The following STAB1 variants were observed in gnomAD, a reference collection of about 807,000 sequenced individuals.
STAB1 encodes the protein stabilin-1.
A neutral mutation model predicts 332.4 loss-of-function variants in STAB1; 250 were observed. The ratio of observed to expected loss-of-function variants is 0.75; its 90% CI spans 0.68 to 0.84. STAB1 has a LOEUF of 0.84. STAB1 is among the 40% of genes least tolerant of loss of function. STAB1 has a pLI of 0.00. For missense variants in STAB1, 3,249 were observed against 3,489.7 expected, an observed-to-expected ratio of 0.93 and a Z score of 1.74; for synonymous variants, 1,475 against 1,390.4, an observed-to-expected ratio of 1.06 and a Z score of -1.35.
At chr3:52,505,220 A>C in intron 13 of STAB1, 77 bp downstream of exon 13, 2 of 1,603,970 alleles carry the variant, frequency 1.2e-6, no homozygotes, top group Admixed American at 3.4e-5. Context: ...GTGAGTGGGC[A>C]GGAGCCATTC....
chr3:52,509,221 G>A lies in STAB1; in HGVS notation c.2247G>A (p.Gly749=). 1 of 1,613,598 alleles carries A rather than the reference G, an allele frequency of 6.2e-7. No homozygotes were observed. The highest frequency in any genetic ancestry group is 8.5e-7 in the Non-Finnish European group (1 of 1,179,944). Residue 749 remains glycine (G), a synonymous_variant, in exon 22 of 69, where the codon GGG becomes GGA. Coordinates refer to ENST00000321725, the MANE Select transcript of STAB1 (RefSeq NM_015136.3). ...PCYGKGNCSD[G]IQGNGACLCF... ...TGCTCACTCTCTAGTGCAGTGATGG[G>A]ATCCAGGGCAATGGGGCCTGCCTCT... is the stretch of plus-strand genomic sequence containing the variant.
Position 52,512,380 on chromosome 3 carries a change from A to G in STAB1, c.2923A>G (p.Thr975Ala), listed in dbSNP as rs757355214. 6.2e-7 allele frequency: 1 copy of G among 1,611,688 alleles called. No individual in the cohort carries two copies. The highest frequency in any genetic ancestry group is 8.5e-7 in the Non-Finnish European group (1 of 1,179,260). Reference sequence around the variant, plus strand: ...AGTGGGGGGAGGTCAGCGGGTCTGCACGTGCCCCCCTGGCTTTGGGGGTGA... The same window carrying G: ...AGTGGGGGGAGGTCAGCGGGTCTGCGCGTGCCCCCCTGGCTTTGGGGGTGA... ...RAVGGGQRVC[T>A]CPPGFGGDGF... is the part of the protein sequence containing the mutation. The change falls in exon 27 of 69, where the codon ACG becomes GCG. Residue 975 changes from threonine to alanine, a missense_variant. By Grantham distance (58) the Thr-to-Ala change is moderately conservative (BLOSUM62 0). Transcript: ENST00000321725.
chr3:52,503,345 C>A lies in STAB1; in HGVS notation c.696C>A (p.Ala232=). 6.2e-7 allele frequency: 1 copy of A among 1,608,280 alleles called. No individual in the cohort carries two copies. The highest frequency in any genetic ancestry group is 8.5e-7 in the Non-Finnish European group (1 of 1,176,734). The change falls in exon 8 of 69, where the codon GCC becomes GCA. Residue 232 remains alanine (A), a splice_region_variant and synonymous_variant. Transcript: ENST00000321725. ...TGGGCTCTCTCTCTGCCCTGGCAGCCCCCAACCCCTGCTGGCCATCACCCT... is the reference window on the plus strand; with the variant it reads ...TGGGCTCTCTCTCTGCCCTGGCAGCACCCAACCCCTGCTGGCCATCACCCT... ...GYTQQGSECR[A]PNPCWPSPCS... is the part of the protein sequence containing the mutation.
At position 52,514,463 on chromosome 3, in the gene STAB1, C is replaced by A; in HGVS notation, c.3645C>A (p.Ala1215=). 6.5e-7 allele frequency: 1 copy of A among 1,540,292 alleles called. No individual in the cohort carries two copies. Residue 1215 remains alanine (A), a synonymous_variant, in exon 34 of 69, where the codon GCC becomes GCA. Coordinates refer to ENST00000321725, the MANE Select transcript of STAB1 (RefSeq NM_015136.3). Reference sequence around the variant, plus strand: ...ACCGCAACTCCCTCCTGGGCCCTGCCCACTGGATCGTCTTCTACAACCACA... The same window carrying A: ...ACCGCAACTCCCTCCTGGGCCCTGCACACTGGATCGTCTTCTACAACCACA... The part of the protein sequence containing the change: ...GGHRNSLLGP[A]HWIVFYNHSG...
In STAB1 at chr3:52,515,046, G is replaced by A. The variant is rs760457865; in HGVS notation, c.3864+1G>A. 1.2e-6 allele frequency: 2 copies of A among 1,613,424 alleles called. No individual in the cohort carries two copies. Among genetic ancestry groups the A allele is most frequent in the Non-Finnish European group, 1.7e-6 (2 of 1,179,988 alleles). On this transcript the variant is annotated splice_donor_variant, in intron 36 of 68. Coordinates refer to ENST00000321725, the MANE Select transcript of STAB1 (RefSeq NM_015136.3). LOFTEE classifies it high-confidence loss of function. ...CTGCACTCAGGGCTTCCAGCTGCAG[G>A]TGAGACTGGGCTTAGCGCAGCTCTG...
rs767556703 is a variant in STAB1, at chr3:52,514,781, G to T, written c.3759G>T (p.Leu1253=). The T allele has an allele frequency of 6.2e-6, 10 of 1,612,826 alleles. No homozygotes were observed. Among genetic ancestry groups the T allele is most frequent in the Middle Eastern group, 1.6e-4 (1 of 6,082 alleles). ...GRSLIGLSGV[L]TVGSSRCLHS... ...CGCTGATTGGTCTGTCGGGGGTCCT[G>T]ACGGTGGGCTCAAGTCGCTGCCTGC... The change falls in exon 35 of 69, where the codon CTG becomes CTT. Residue 1253 remains leucine, a synonymous_variant. Transcript: ENST00000321725.
rs768503628 is a variant in STAB1, at chr3:52,504,748, G to T, written c.1249G>T (p.Ala417Ser). The change falls in exon 12 of 69, where the codon GCC (alanine) becomes TCC (serine). Residue 417 changes from alanine to serine, a missense_variant. Transcript: ENST00000321725. ...CGCCTTGCGTCTGCAGGCATCCCTT[G>T]CCCAGCAGCTCTGTAGACAGCACAT... ...FSSRTMNASL[A>S]QQLCRQHIIA... 1 of 1,613,790 alleles carries T rather than the reference G, an allele frequency of 6.2e-7. No individual in the cohort carries two copies.
Position 52,512,904 on chromosome 3 carries a change from GC to G in STAB1, c.3108del (p.Glu1037ArgfsTer41). 8 of 1,612,174 alleles carry G rather than the reference GC, an allele frequency of 5.0e-6. No individual in the cohort carries two copies. The highest frequency in any genetic ancestry group is 6.8e-6 in the Non-Finnish European group (8 of 1,179,894). The part of the protein sequence containing the change: ...VPSEAAVRQL[S>X]PEDRAFWLQP... The stretch of plus-strand genomic sequence containing the variant: ...TCCGAGGCTGCAGTCCGTCAGCTGA[GC>G]CCCGAGGACCGAGCTTTCTGGCTGC... On this transcript the variant is annotated frameshift_variant, in exon 29 of 69. Coordinates refer to ENST00000321725, the MANE Select transcript of STAB1 (RefSeq NM_015136.3). LOFTEE classifies it high-confidence loss of function.
Position 52,505,132 on chromosome 3 carries a change from G to A in STAB1, c.1507G>A (p.Gly503Arg). 2 of 1,613,052 alleles carry A rather than the reference G, an allele frequency of 1.2e-6. No homozygotes were observed. Among genetic ancestry groups the A allele is most frequent in the Non-Finnish European group, 1.7e-6 (2 of 1,179,846 alleles). Residue 503 changes from glycine (G) to arginine (R), a missense_variant, in exon 13 of 69, where the codon GGG (glycine) becomes AGG (arginine). By Grantham distance (125) the Gly-to-Arg change is moderately radical. Coordinates refer to ENST00000321725, the MANE Select transcript of STAB1 (RefSeq NM_015136.3). ...LRWQAPSGTPGDPKRTIGQIL... is the reference protein window; with the variant it reads ...LRWQAPSGTPRDPKRTIGQIL... The stretch of plus-strand genomic sequence containing the variant: ...GTGGCAGGCCCCCTCTGGGACCCCT[G>A]GGGATCCCAAGGTGAGCCAGCATCC...
At chr3:52,497,414 T>TC (rs961963589) in intron 1 of STAB1, among the ~76,000 whole-genome samples, 6 of 144,456 alleles carry the variant, frequency 4.2e-5, no homozygotes, top group African/African-American at 1.6e-4. Flanking sequence ...TGCCTTTTTT[T>TC]TTTTTTTTTT....
In STAB1 at chr3:52,516,569, A is replaced by C. The variant is rs374876640; in HGVS notation, c.4268A>C (p.Lys1423Thr). The change falls in exon 40 of 69, where the codon AAG becomes ACG. Residue 1423 changes from lysine (K) to threonine (T), a missense_variant. Physicochemically the swap from Lys to Thr is moderately conservative, Grantham distance 78. Coordinates refer to ENST00000321725, the MANE Select transcript of STAB1 (RefSeq NM_015136.3). ...QKITSPQCPR[K>T]CDPNANCVQD... ...ATCACCAGCCCTCAGTGCCCTAGGA[A>C]GTGCGACCCCAATGCCAAGTGAGTG... The C allele has an allele frequency of 3.1e-6, 5 of 1,612,922 alleles. No homozygotes were observed. In the African/African-American group the frequency reaches 5.3e-5, roughly 17 times the overall value.
intron 20 of STAB1, 55 bp from the exon 21 acceptor site, chr3:52,508,209 AGGCAGCCTG>A (rs1709024321): frequency 6.6e-7 from 1 of 1,503,990 alleles, no homozygotes; most frequent in Non-Finnish European, 9.1e-7. Context: ...CAGGGAGCAG[AGGCAGCCTG>A]GGCAGGGAGG....
chr3:52,523,995 G>C lies in STAB1; in HGVS notation c.7520G>C (p.Gly2507Ala). Residue 2507 changes from glycine (G) to alanine (A), a missense_variant, in exon 67 of 69, where the codon GGC becomes GCC. Physicochemically the swap from Gly to Ala is moderately conservative, Grantham distance 60 (BLOSUM62 0). Transcript: ENST00000321725. Reference protein sequence around the residue: ...LYLRARGKPMGFGFSAFQAED... With the variant: ...LYLRARGKPMAFGFSAFQAED... Reference sequence around the variant, plus strand: ...CTCCGTGCCCGAGGCAAGCCCATGGGCTTTGGCTTCTCTGCCTTCCAGGTA... The same window carrying C: ...CTCCGTGCCCGAGGCAAGCCCATGGCCTTTGGCTTCTCTGCCTTCCAGGTA... 1 of 1,612,148 alleles carries C rather than the reference G, an allele frequency of 6.2e-7. No individual in the cohort carries two copies. The highest frequency in any genetic ancestry group is 8.5e-7 in the Non-Finnish European group (1 of 1,179,854).
At position 52,517,109 on chromosome 3, in the gene STAB1, G is replaced by A; in HGVS notation, c.4489G>A (p.Glu1497Lys). The A allele has an allele frequency of 6.5e-7, 1 of 1,545,014 alleles. No homozygotes were observed. The stretch of plus-strand genomic sequence containing the variant: ...CATGGGCGACGGGGAGCTGTGCCAG[G>A]GTGAGACTAGGCCCCTAACCTGGGT... ...GYMGDGELCQ[E>K]INSCLIHHGG... Residue 1497 changes from glutamate (E) to lysine (K), a missense_variant and splice_region_variant, in exon 42 of 69, where the codon GAA becomes AAA. By Grantham distance (56) the Glu-to-Lys change is moderately conservative. Coordinates refer to ENST00000321725, the MANE Select transcript of STAB1 (RefSeq NM_015136.3).
Position 52,519,303 on chromosome 3 carries a change from A to G in STAB1, c.5074A>G (p.Ser1692Gly), listed in dbSNP as rs764254507. The G allele has an allele frequency of 3.1e-6, 5 of 1,612,890 alleles. No individual in the cohort carries two copies. The African/African-American group carries it at 6.7e-5, about 22-fold the overall frequency. The change falls in exon 49 of 69, where the codon AGC becomes GGC. Residue 1692 changes from serine (S) to glycine (G), a missense_variant. By Grantham distance (56) the Ser-to-Gly change is moderately conservative. Coordinates refer to ENST00000321725, the MANE Select transcript of STAB1 (RefSeq NM_015136.3). ...YLNDFARVVS[S>G]DHEAVNGILH... Reference sequence around the variant, plus strand: ...CAATGACTTCGCGCGCGTGGTGAGCAGCGACCATGAGGCCGTGAACGGCAT... The same window carrying G: ...CAATGACTTCGCGCGCGTGGTGAGCGGCGACCATGAGGCCGTGAACGGCAT...
Position 52,516,035 on chromosome 3 carries a change from G to A in STAB1, c.3949-8G>A, listed in dbSNP as rs750800388. 1.7e-5 allele frequency: 27 copies of A among 1,596,718 alleles called. No homozygotes were observed. The highest frequency in any genetic ancestry group is 1.4e-4 in the Admixed American group (8 of 57,562). ...CTCTCGCCCTCTCTCCCATCCCCAC[G>A]CCGACAGGTGCCGGACTGCTGCCCT... On this transcript the variant is annotated splice_region_variant and splice_polypyrimidine_tract_variant and intron_variant, in intron 37 of 68. Coordinates refer to ENST00000321725, the MANE Select transcript of STAB1 (RefSeq NM_015136.3).
At chr3:52,502,949 C>T (rs766535629) in intron 6 of STAB1, 50 bp from the exon 7 acceptor site, 45 of 1,460,850 alleles carry the variant, frequency 3.1e-5, no homozygotes, top group Non-Finnish European at 4.0e-5. Flanking sequence ...CCCCTGTGTT[C>T]CTCCCCAGCC....
rs1445601893 is a variant in STAB1 at position 52,523,549 on chromosome 3, C to CCCTGACAACAGTTCCTGGG, written c.7266_7284dup (p.Pro2429Ter). 1.2e-6 allele frequency: 2 copies of CCCTGACAACAGTTCCTGGG among 1,612,840 alleles called. No homozygotes were observed. Among genetic ancestry groups the CCCTGACAACAGTTCCTGGG allele is most frequent in the Non-Finnish European group, 1.7e-6 (2 of 1,180,000 alleles). ...TCAGCCTCATCATCAGTGACGCAGG[C>CCCTGACAACAGTTCCTGGG]CCTGACAACAGTTCCTGGGCCCCTG... On this transcript the variant is annotated frameshift_variant, in exon 65 of 69. Transcript: ENST00000321725. LOFTEE classifies it high-confidence loss of function.
At chr3:52,505,234 T>A in intron 13 of STAB1, 85 bp from the exon 14 acceptor site, 1 of 1,605,790 alleles carries the variant, frequency 6.2e-7, no homozygotes, top group South Asian at 1.1e-5. Context: ...GCCATTCTAC[T>A]CAGGGCTGGA....
Sources: allele counts gnomAD v4.1 joint callset (sites outside exome capture counted in the v4.1 genomes callset), GRCh38; gene constraint gnomAD v4.1.1; transcripts MANE v1.5; gene names NCBI Gene and HGNC (gene_info 2026-07-23, HGNC 2026-07-21).